Variants in GC observed in about 807,000 individuals in gnomAD.
The protein encoded by GC is GC vitamin D binding protein.
GC carries 43 observed loss-of-function variants against 56.7 expected under a neutral mutation model. That is an observed-to-expected ratio of 0.76 (90% CI 0.59 to 0.98). The LOEUF is 0.98. Among genes scored for constraint, GC ranks in the 50% least tolerant of loss-of-function variants. GC has a pLI of 0.00. For missense variants in GC, 529 were observed against 545.9 expected (o/e 0.97, Z 0.31); for synonymous variants, 216 against 202.7 (o/e 1.07, Z -0.56).
At chr4:71,769,545 G>A in intron 1 of GC, 145 bp from the exon 2 acceptor site, 1 of 590,858 alleles carries the variant, frequency 1.7e-6, no homozygotes, top group South Asian at 2.0e-5. Context: ...TATTTTGGGG[G>A]CCTTTCTAGC....
rs58049882 is a variant in GC at position 71,801,890 on chromosome 4, CTT to C, written c.21+2034_21+2035del. On this transcript the variant is annotated intron_variant, in intron 1 of 13. Coordinates refer to the GC transcript ENST00000504199. ...TTCCTATTTTTCCTGTTTCTTTCTT[CTT>C]TTTTTTTTTTTTATTGCCTGCCCTG... 1.8e-3 allele frequency among the ~76,000 whole-genome samples: 242 copies of C among 138,220 alleles called. 3 individuals carry two copies. In the East Asian group the frequency reaches 0.025, roughly 14 times the overall value. 90.7% of individuals were successfully genotyped at this position (138,220 alleles called of 152,430 possible). A position where few individuals can be genotyped will look rare whatever the true frequency, so the allele number is the denominator to read the frequency against.
chr4:71,759,588 G>A (rs941672700), intron 6 of GC: 4 of 152,130 alleles, frequency 2.6e-5, no homozygotes, highest in Non-Finnish European at 5.9e-5. Flanking sequence ...GACAAGATTG[G>A]GCGTGTTCAG....
intron 1 of GC, among the ~76,000 whole-genome samples, chr4:71,791,960 C>G (rs996278710): frequency 1.3e-5 from 2 of 152,166 alleles, no homozygotes; most frequent in African/African-American, 4.8e-5. Flanking sequence ...ATGATGGTTT[C>G]CAGCTTCATC....
At chr4:71,798,978 T>C (rs943518927) in intron 1 of GC, among the ~76,000 whole-genome samples, 5 of 152,234 alleles carry the variant, frequency 3.3e-5, no homozygotes, top group Non-Finnish European at 7.4e-5. Flanking sequence ...ATTCAATGGG[T>C]TTTGGTGTAT....
rs1742069494 is a variant in GC at position 71,763,918 on chromosome 4, G to A, written c.492C>T (p.Ser164=). ...ACAGAGGAGCTTGTCCGTAATTAGT[G>A]GAATATTCCCACATAAATCTGTGGA... is the stretch of plus-strand genomic sequence containing the variant. ...EYANQFMWEY[S]TNYGQAPLSL... is the part of the protein sequence containing the mutation. Residue 164 remains serine, a synonymous_variant, in exon 5 of 13, where the codon TCC becomes TCT. Transcript: ENST00000273951. 1.2e-6 allele frequency: 2 copies of A among 1,610,590 alleles called. No homozygotes were observed. The highest frequency in any genetic ancestry group is 1.3e-5 in the African/African-American group (1 of 74,938).
chr4:71,758,240 A>G lies in GC; in HGVS notation c.702-69T>C, dbSNP rs890285416. On this transcript the variant is annotated intron_variant, in intron 6 of 12. Coordinates refer to ENST00000273951, the MANE Select transcript of GC (RefSeq NM_000583.4). ...GTTTTCTTGGTTTCGTGATGAACGC[A>G]CTATTTGGAGAAATAATATCACAAT... 7 of 1,371,838 alleles carry G rather than the reference A, an allele frequency of 5.1e-6. No individual in the cohort carries two copies. The African/African-American group carries it at 5.7e-5, about 11-fold the overall frequency. The allele number at this position is 1,371,838 out of a possible 1,614,324, so 85.0% of individuals were successfully genotyped here. A position where few individuals can be genotyped will look rare whatever the true frequency, so the allele number is the denominator to read the frequency against.
chr4:71,797,975 C>T (rs557661650), intron 1 of GC, among the ~76,000 whole-genome samples: 1 of 152,176 alleles, frequency 6.6e-6, no homozygotes, highest in Non-Finnish European at 1.5e-5. Flanking sequence ...ACACATATTC[C>T]CAATGTTTTG....
chr4:71,796,326 C>T (rs949784527), intron 1 of GC, among the ~76,000 whole-genome samples: 8 of 152,224 alleles, frequency 5.3e-5, no homozygotes, highest in African/African-American at 1.4e-4. Flanking sequence ...GGTCTTTTCA[C>T]ATAGCCCCAT....
chr4:71,790,633 T>C (rs1262928512), intron 1 of GC, among the ~76,000 whole-genome samples: 1 of 151,892 alleles, frequency 6.6e-6, no homozygotes, highest in Non-Finnish European at 1.5e-5. Context: ...ATTTTAATAT[T>C]TGTGATTTTT....
intron 11 of GC, among the ~76,000 whole-genome samples, chr4:71,750,900 CAAA>C (rs10550263): frequency 3.3e-5 from 5 of 151,690 alleles, no homozygotes; most frequent in African/African-American, 1.2e-4. Flanking sequence ...AACAAACAAA[CAAA>C]AAAAAAACGG....
intron 3 of GC, 32 bp downstream of exon 3, chr4:71,768,269 T>C: frequency 6.5e-7 from 1 of 1,543,274 alleles, no homozygotes; most frequent in Non-Finnish European, 8.8e-7. Flanking sequence ...TTCTCTGGGC[T>C]GCCACAGAGA....
chr4:71,798,087 T>C (rs1044885308), intron 1 of GC, among the ~76,000 whole-genome samples: 1 of 152,238 alleles, frequency 6.6e-6, no homozygotes, highest in Non-Finnish European at 1.5e-5. Context: ...AATCTCAAGT[T>C]CATTGCTCTT....
chr4:71,751,373 G>A (rs1375740694), intron 11 of GC, among the ~76,000 whole-genome samples: 1 of 152,054 alleles, frequency 6.6e-6, no homozygotes, highest in Non-Finnish European at 1.5e-5. Context: ...ATATAAAGAT[G>A]GGCAGAATAC....
intron 11 of GC, among the ~76,000 whole-genome samples, chr4:71,750,860 G>C (rs1046460662): frequency 1.3e-5 from 2 of 151,072 alleles, no homozygotes; most frequent in African/African-American, 2.4e-5. Context: ...ACTCCAGCCT[G>C]GGTGACAGAA....
At chr4:71,743,151 G>A (rs772582835) in intron 12 of GC, among the ~76,000 whole-genome samples, 15 of 152,262 alleles carry the variant, frequency 9.9e-5, no homozygotes, top group Admixed American at 2.6e-4. Flanking sequence ...GTGAAATAGC[G>A]TGAAACTGTT....
At chr4:71,791,521 G>C (rs988697945) in intron 1 of GC, among the ~76,000 whole-genome samples, 1 of 152,014 alleles carries the variant, frequency 6.6e-6, no homozygotes, top group Non-Finnish European at 1.5e-5. Flanking sequence ...TGGAAAGAAC[G>C]TAAACCTCGA....
In GC at chr4:71,762,720, C is replaced by A. The variant is rs112812118; in HGVS notation, c.701+688G>T. On this transcript the variant is annotated intron_variant, in intron 6 of 12. Transcript: ENST00000273951. The stretch of plus-strand genomic sequence containing the variant: ...GTGAATGAGTTTCATGAGATCTGAT[C>A]GTTTTAAAAACAGGAGTTTCTCTGC... Among the ~76,000 whole-genome samples the A allele has an allele frequency of 8.5e-5, 13 of 152,216 alleles. 2 individuals are homozygous for A. Among genetic ancestry groups the A allele is most frequent in the African/African-American group, 2.9e-4 (12 of 41,548 alleles).
chr4:71,766,852 G>T (rs372630775), intron 3 of GC, among the ~76,000 whole-genome samples: 25 of 152,104 alleles, frequency 1.6e-4, no homozygotes, highest in African/African-American at 5.8e-4. Flanking sequence ...TTGACAAAAT[G>T]TCAAAACACT....
chr4:71,794,330 CAG>C (rs555320764), intron 1 of GC, among the ~76,000 whole-genome samples: 38 of 152,306 alleles, frequency 2.5e-4, no homozygotes, highest in African/African-American at 8.9e-4. Context: ...GCCTCAATTT[CAG>C]AGTCTGTTAT....
Sources: gnomAD v4.1 joint callset for allele counts (sites outside exome capture counted in the v4.1 genomes callset) on GRCh38, gnomAD v4.1.1 for gene constraint, MANE v1.5 for transcripts, NCBI Gene and HGNC (gene_info 2026-07-23, HGNC 2026-07-21) for gene names.